CYP46A1: variants seen among roughly 807,000 people sequenced by gnomAD.
CYP46A1 encodes the protein cytochrome P450 family 46 subfamily A member 1.
CYP46A1 carries 20 observed loss-of-function variants against 63.3 expected under a neutral mutation model. That is an observed-to-expected ratio of 0.32 (90% CI 0.22 to 0.46). The LOEUF (loss-of-function observed/expected upper bound fraction) is 0.46. CYP46A1 is among the 20% of genes least tolerant of loss of function. CYP46A1 has a pLI of 1.00. For missense variants in CYP46A1, 445 were observed against 670.8 expected, an observed-to-expected ratio of 0.66 and a Z score of 3.72; for synonymous variants, 268 against 273.6, an observed-to-expected ratio of 0.98 and a Z score of 0.20.
chr14:99,725,218 ATTT>A lies in CYP46A1; in HGVS notation c.1177-171_1177-169del, dbSNP rs2140144352. Among the ~76,000 whole-genome samples, 1 of 151,868 alleles carries A rather than the reference ATTT, an allele frequency of 6.6e-6. No homozygotes were observed. Among genetic ancestry groups the A allele is most frequent in the East Asian group, 2.0e-4 (1 of 5,128 alleles). ...CTGTCCCCGCTCTTCCTCTTAAGGG[ATTT>A]TCTAGGGGGCCAGTGCAATGGACAC... On this transcript the variant is annotated intron_variant, in intron 12 of 14. Coordinates refer to ENST00000261835, the MANE Select transcript of CYP46A1 (RefSeq NM_006668.2). This position sits in a 1 kb window ranked among gnomAD's most constrained non-coding sequence, Gnocchi z 4.2.
chr14:99,691,180 C>T lies in CYP46A1; in HGVS notation c.200+19C>T, dbSNP rs182404667. On this transcript the variant is annotated intron_variant, in intron 2 of 14. Coordinates refer to ENST00000261835, the MANE Select transcript of CYP46A1 (RefSeq NM_006668.2). Reference sequence around the variant, plus strand: ...TGGATTGGTGGGTTCTCATTTGTCACTTGTTGCCCTTACTCCAGGTTCCCT... The same window carrying T: ...TGGATTGGTGGGTTCTCATTTGTCATTTGTTGCCCTTACTCCAGGTTCCCT... 2.8e-4 allele frequency: 459 copies of T among 1,613,494 alleles called. 1 individual carries two copies. In the African/African-American group the frequency reaches 4.4e-3, roughly 16 times the overall value.
chr14:99,712,839 G>GC (rs1168186000), intron 7 of CYP46A1: 1 of 141,944 alleles, frequency 7.0e-6, no homozygotes, highest in African/African-American at 2.5e-5. Context: ...AATAGCCAAA[G>GC]CAACTCTGAG....
intron 10 of CYP46A1, among the ~76,000 whole-genome samples, chr14:99,720,578 C>T (rs1389672224): frequency 6.6e-6 from 1 of 151,716 alleles, no homozygotes. Context: ...CATGCCTCAG[C>T]CTCCCAAGTA....
rs58734440 is a variant in CYP46A1 at position 99,688,501 on chromosome 14, A to T, written c.120-2580A>T. Among the ~76,000 whole-genome samples the T allele has an allele frequency of 1.9e-3, 285 of 152,010 alleles. 6 individuals are homozygous for T. In the Middle Eastern group the frequency reaches 0.024, roughly 13 times the overall value. On this transcript the variant is annotated intron_variant, in intron 1 of 14. Transcript: ENST00000261835. ...CACCTCCTGCCCCAGGCCCACGCAC[A>T]CCTTCCAGCTGTTCCGGGAGGGTAG...
At chr14:99,694,435 T>C (rs2056570348) in intron 3 of CYP46A1, among the ~76,000 whole-genome samples, 1 of 150,900 alleles carries the variant, frequency 6.6e-6, no homozygotes, top group Admixed American at 6.6e-5. Flanking sequence ...TCTTTCCAAA[T>C]AAGTAGCTTT....
intron 12 of CYP46A1, among the ~76,000 whole-genome samples, chr14:99,724,163 C>G (rs1345002090): frequency 6.6e-6 from 1 of 152,172 alleles, no homozygotes; most frequent in Non-Finnish European, 1.5e-5. Context: ...AAGTTAATTA[C>G]CTCGTTAAAG....
intron 1 of CYP46A1, 144 bp downstream of exon 1, chr14:99,684,680 A>C (rs2056474837): frequency 1.4e-6 from 1 of 703,470 alleles, no homozygotes. Context: ...GAGGGGCGCT[A>C]ACTATTCTTA....
At chr14:99,716,235 T>C (rs1175554173) in intron 9 of CYP46A1, 36 bp downstream of exon 9, 3 of 1,608,418 alleles carry the variant, frequency 1.9e-6, no homozygotes, top group Non-Finnish European at 2.6e-6. Flanking sequence ...GGCCCGGAGC[T>C]CTGCAGAAAT....
At chr14:99,713,957 C>G (rs1001666706) in intron 7 of CYP46A1, among the ~76,000 whole-genome samples, 7 of 149,286 alleles carry the variant, frequency 4.7e-5, no homozygotes, top group Non-Finnish European at 7.4e-5. Flanking sequence ...AAGAAACTAT[C>G]AACAGAATAA....
intron 7 of CYP46A1, chr14:99,711,844 G>T (rs1423334555): frequency 6.6e-6 from 1 of 152,010 alleles, no homozygotes; most frequent in African/African-American, 2.4e-5. Context: ...AAAACTACAT[G>T]CCAACGTCCC....
chr14:99,692,001 A>G, intron 3 of CYP46A1, 140 bp downstream of exon 3: 1 of 824,370 alleles, frequency 1.2e-6, no homozygotes, highest in Non-Finnish European at 2.0e-6. Context: ...CCAGAAAGGA[A>G]TGGCATCTTT....
chr14:99,716,353 A>G (rs954008401), intron 9 of CYP46A1, among the ~76,000 whole-genome samples, 154 bp downstream of exon 9: 85 of 152,154 alleles, frequency 5.6e-4, no homozygotes, highest in Middle Eastern at 3.2e-3. Context: ...CAGAAGCCCC[A>G]TCTCCTAGCT....
chr14:99,712,781 A>C (rs1230363241), intron 7 of CYP46A1: 1 of 152,242 alleles, frequency 6.6e-6, no homozygotes, highest in Admixed American at 6.5e-5. Flanking sequence ...TTCTTCACAG[A>C]AATAGAAAAA....
chr14:99,713,034 A>T (rs2056749123), intron 7 of CYP46A1: 1 of 152,266 alleles, frequency 6.6e-6, no homozygotes, highest in Non-Finnish European at 1.5e-5. Flanking sequence ...AGGCACCAAG[A>T]ACATACACTG....
At position 99,699,519 on chromosome 14, in the gene CYP46A1, C is replaced by T; in HGVS notation, c.336C>T (p.Leu112=). The T allele has an allele frequency of 1.9e-6, 3 of 1,614,166 alleles. No homozygotes were observed. The highest frequency in any genetic ancestry group is 3.3e-4 in the Middle Eastern group (2 of 6,062). ...YNKDSKMYRA[L]QTVFGERLFG... The stretch of plus-strand genomic sequence containing the variant: ...AGGACTCCAAGATGTACCGTGCGCT[C>T]CAGACTGTGTTTGGTGAGAGGTAAG... Residue 112 remains leucine (L), a synonymous_variant, in exon 4 of 15, where the codon CTC becomes CTT. Coordinates refer to ENST00000261835, the MANE Select transcript of CYP46A1 (RefSeq NM_006668.2).
rs149440450 is a variant in CYP46A1 at position 99,702,425 on chromosome 14, A to G, written c.443+2324A>G. Among the ~76,000 whole-genome samples, 23 of 152,296 alleles carry G rather than the reference A, an allele frequency of 1.5e-4. No individual in the cohort carries two copies. The East Asian group carries it at 4.4e-3, about 29-fold the overall frequency. ...ATGCTGCTATGAGCATTTTTGTACA[A>G]GTGTTTGTATGGACATATGTTTTCA... On this transcript the variant is annotated intron_variant, in intron 5 of 14. Coordinates refer to ENST00000261835, the MANE Select transcript of CYP46A1 (RefSeq NM_006668.2).
chr14:99,706,499 A>G, intron 5 of CYP46A1, 148 bp from the exon 6 acceptor site: 1 of 978,330 alleles, frequency 1.0e-6, no homozygotes, highest in South Asian at 1.6e-5. Flanking sequence ...CCAACCTGCA[A>G]TCTGGGTCTC....
At chr14:99,702,246 T>C (rs2056638033) in intron 5 of CYP46A1, among the ~76,000 whole-genome samples, 1 of 152,188 alleles carries the variant, frequency 6.6e-6, no homozygotes, top group Admixed American at 6.5e-5. Context: ...TAGCATCTTG[T>C]TTCTAAGGCT....
chr14:99,702,113 C>G (rs561493949), intron 5 of CYP46A1, among the ~76,000 whole-genome samples: 4 of 149,472 alleles, frequency 2.7e-5, no homozygotes, highest in African/African-American at 9.8e-5. Context: ...CTCATTTCTT[C>G]CCAATTCCCC....
Sources: gnomAD v4.1 joint callset for allele counts (sites outside exome capture counted in the v4.1 genomes callset) on GRCh38, gnomAD v4.1.1 for gene constraint, Gnocchi (gnomAD v3.1) non-coding constraint, MANE v1.5 for transcripts, NCBI Gene and HGNC (gene_info 2026-07-23, HGNC 2026-07-21) for gene names.